FYB1: variants seen among roughly 807,000 people sequenced by gnomAD.
FYB1 encodes the protein FYN binding protein 1.
FYB1 carries 41 observed loss-of-function variants against 94.1 expected under a neutral mutation model. That is an observed-to-expected ratio of 0.44 (90% CI 0.34 to 0.57). FYB1 has a LOEUF of 0.57. Among genes scored for constraint, FYB1 ranks in the 20% least tolerant of loss-of-function variants. The pLI is 0.02. For synonymous variants in FYB1, 367 were observed against 353.2 expected (o/e 1.04, Z -0.44); for missense variants, 1,050 against 976.8 (o/e 1.07, Z -1.00).
chr5:39,228,847 G>C (rs907086591), intron 1 of FYB1, among the ~76,000 whole-genome samples: 7 of 152,142 alleles, frequency 4.6e-5, no homozygotes, highest in African/African-American at 1.7e-4. Flanking sequence ...GGTTCTGAGA[G>C]CTAATAAATT....
intron 1 of FYB1, among the ~76,000 whole-genome samples, chr5:39,263,007 T>C (rs1345100930): frequency 1.3e-5 from 2 of 152,198 alleles, no homozygotes; most frequent in Non-Finnish European, 2.9e-5. Flanking sequence ...TTTTCTCTTT[T>C]TTAGTTTTAA....
chr5:39,195,770 A>T (rs146237708), intron 2 of FYB1, among the ~76,000 whole-genome samples: 2 of 152,220 alleles, frequency 1.3e-5, no homozygotes, highest in African/African-American at 2.4e-5. Flanking sequence ...CAGGCCAGGG[A>T]TTCTTATGAA....
chr5:39,238,120 C>A (rs1751049417), intron 1 of FYB1, among the ~76,000 whole-genome samples: 1 of 151,968 alleles, frequency 6.6e-6, no homozygotes, highest in Non-Finnish European at 1.5e-5. Flanking sequence ...TGCCACTGAA[C>A]TGTACCCTTA....
chr5:39,203,364 A>G (rs1288590831), intron 1 of FYB1, among the ~76,000 whole-genome samples: 1 of 152,210 alleles, frequency 6.6e-6, no homozygotes, highest in South Asian at 2.1e-4. Flanking sequence ...GATTTCTTCC[A>G]TATTTTATAA....
intron 14 of FYB1, among the ~76,000 whole-genome samples, chr5:39,121,822 CTTTT>C (rs536866285): frequency 6.6e-6 from 1 of 151,844 alleles, no homozygotes; most frequent in Non-Finnish European, 1.5e-5. Context: ...AAAAATAAAT[CTTTT>C]TTTCTTTTTT....
chr5:39,176,137 GTTTTTTTT>G (rs70982547), intron 2 of FYB1, among the ~76,000 whole-genome samples: 42 of 61,660 alleles, frequency 6.8e-4, no homozygotes, highest in African/African-American at 2.3e-3. Context: ...TTTTTTTTCT[GTTTTTTTT>G]TTTTTTTTTT....
intron 2 of FYB1, among the ~76,000 whole-genome samples, chr5:39,186,529 A>G (rs75758218): frequency 0.021 from 3,259 of 152,224 alleles, 124 homozygotes; most frequent in African/African-American, 0.072. Flanking sequence ...CAAGAGAGGC[A>G]CAGGAAGAGA....
chr5:39,208,543 A>T (rs1749062736), intron 1 of FYB1, among the ~76,000 whole-genome samples: 5 of 152,080 alleles, frequency 3.3e-5, no homozygotes, highest in African/African-American at 1.2e-4. Flanking sequence ...CTTCTTATGG[A>T]ACAAAATTTG....
rs766831131 is a variant in FYB1, at chr5:39,202,601, C to A, written c.360G>T (p.Leu120Phe). 1 of 1,613,748 alleles carries A rather than the reference C, an allele frequency of 6.2e-7. No individual in the cohort carries two copies. Among genetic ancestry groups the A allele is most frequent in the Non-Finnish European group, 8.5e-7 (1 of 1,179,858 alleles). ...LKPVGPKPIN[L>F]PKEDSKPTFP... The stretch of plus-strand genomic sequence containing the variant: ...ATGTAGGTTTGGAATCTTCTTTGGG[C>A]AAGTTGATGGGCTTGGGGCCTACAG... Residue 120 changes from leucine to phenylalanine, a missense_variant, in exon 2 of 19, where the codon TTG becomes TTT. By Grantham distance (22) the Leu-to-Phe change is conservative. Coordinates refer to ENST00000512982, the MANE Select transcript of FYB1 (RefSeq NM_001465.6).
intron 1 of FYB1, among the ~76,000 whole-genome samples, chr5:39,242,485 C>T (rs868661660): frequency 6.6e-6 from 1 of 152,120 alleles, no homozygotes; most frequent in Non-Finnish European, 1.5e-5. Context: ...TTTTTTATGG[C>T]TGCATAGTAT....
At chr5:39,127,643 G>T in intron 11 of FYB1, 98 bp downstream of exon 11, 1 of 1,326,422 alleles carries the variant, frequency 7.5e-7, no homozygotes. Flanking sequence ...ATGTGAGAAA[G>T]AACACTATTT....
chr5:39,220,386 C>G (rs1750182912), upstream of FYB1, among the ~76,000 whole-genome samples: 2 of 145,892 alleles, frequency 1.4e-5, no homozygotes, highest in Middle Eastern at 3.5e-3. Flanking sequence ...TGCACTCCAG[C>G]CTGGGTAACA....
chr5:39,122,432 A>T, intron 13 of FYB1, 30 bp from the exon 14 acceptor site: 1 of 1,341,672 alleles, frequency 7.5e-7, no homozygotes, highest in Admixed American at 1.9e-5. Context: ...CAAAGGTTGA[A>T]ACACTGTTAG....
At chr5:39,232,727 C>A (rs937677413) in intron 1 of FYB1, among the ~76,000 whole-genome samples, 4 of 145,060 alleles carry the variant, frequency 2.8e-5, no homozygotes, top group African/African-American at 1.0e-4. Flanking sequence ...CTCCCCCCAA[C>A]CCACAACAGT....
intron 1 of FYB1, among the ~76,000 whole-genome samples, chr5:39,226,835 C>A (rs532796701): frequency 6.6e-6 from 1 of 152,296 alleles, no homozygotes; most frequent in East Asian, 1.9e-4. Context: ...AAGTGACTTT[C>A]ATTTATCATT....
intron 1 of FYB1, among the ~76,000 whole-genome samples, chr5:39,240,379 CACAG>C (rs1751151238): frequency 1.3e-5 from 2 of 152,184 alleles, no homozygotes; most frequent in South Asian, 2.1e-4. Context: ...CAACAGAGTA[CACAG>C]ACAATCTATA....
Position 39,126,090 on chromosome 5 carries a change from C to T in FYB1, c.1953G>A (p.Gly651=). The T allele has an allele frequency of 6.2e-7, 1 of 1,613,338 alleles. No homozygotes were observed. The highest frequency in any genetic ancestry group is 8.5e-7 in the Non-Finnish European group (1 of 1,179,496). Reference sequence around the variant, plus strand: ...CTTTTCCCTTTAACATCTTCAAAATCCCCCAGGACCACGTATTACTCTTCT... The same window carrying T: ...CTTTTCCCTTTAACATCTTCAAAATTCCCCAGGACCACGTATTACTCTTCT... ...VQEKSNTWSW[G]ILKMLKGKDD... The change falls in exon 12 of 19, where the codon GGG becomes GGA. Residue 651 remains glycine (G), a synonymous_variant. Coordinates refer to ENST00000512982, the MANE Select transcript of FYB1 (RefSeq NM_001465.6).
At chr5:39,253,075 A>AT (rs1469026191) in intron 1 of FYB1, among the ~76,000 whole-genome samples, 1 of 152,172 alleles carries the variant, frequency 6.6e-6, no homozygotes, top group Non-Finnish European at 1.5e-5. Flanking sequence ...AAACAATCCG[A>AT]TTTTTTCTAT....
Position 39,202,216 on chromosome 5 carries a change from C to T in FYB1, c.745G>A (p.Asp249Asn), listed in dbSNP as rs1266053176. ...KPAREDSENKDHAGEISSLPF... is the reference protein window; with the variant it reads ...KPAREDSENKNHAGEISSLPF... ...AAACTTGAAATCTCCCCTGCATGGT[C>T]TTTATTTTCTGAGTCTTCCCTTGCT... The change falls in exon 2 of 19, where the codon GAC (aspartate) becomes AAC (asparagine). Residue 249 changes from aspartate to asparagine, a missense_variant. By Grantham distance (23) the Asp-to-Asn change is conservative. Coordinates refer to ENST00000512982, the MANE Select transcript of FYB1 (RefSeq NM_001465.6). 1.2e-6 allele frequency: 2 copies of T among 1,613,858 alleles called. No homozygotes were observed. Among genetic ancestry groups the T allele is most frequent in the South Asian group, 1.1e-5 (1 of 91,078 alleles).
Sources: gnomAD v4.1 joint callset for allele counts (sites outside exome capture counted in the v4.1 genomes callset) on GRCh38, gnomAD v4.1.1 for gene constraint, MANE v1.5 for transcripts, NCBI Gene and HGNC (gene_info 2026-07-23, HGNC 2026-07-21) for gene names.